The following SLC39A10 variants were observed in gnomAD, a reference collection of about 807,000 sequenced individuals.
The protein encoded by SLC39A10 is solute carrier family 39 member 10.
SLC39A10 carries 13 observed loss-of-function variants against 65.1 expected under a neutral mutation model. The observed-to-expected ratio is 0.20, with a 90% CI of 0.13 to 0.32. The LOEUF is 0.32. SLC39A10 is among the 10% of genes least tolerant of loss of function. The pLI, the probability that SLC39A10 is intolerant of heterozygous loss-of-function variation, is 1.00. For missense variants in SLC39A10, 831 were observed against 1,018.4 expected (o/e 0.82, Z 2.50); for synonymous variants, 321 against 342.2 (o/e 0.94, Z 0.68).
At chr2:195,726,542 T>C (rs1219642476) in intron 8 of SLC39A10, among the ~76,000 whole-genome samples, 1 of 152,060 alleles carries the variant, frequency 6.6e-6, no homozygotes, top group Non-Finnish European at 1.5e-5. Flanking sequence ...AATTAAGGTA[T>C]TTAGGATCAG....
At position 195,735,020 on chromosome 2, in the gene SLC39A10, T is replaced by C. The variant is rs1692545460; in HGVS notation, c.2475T>C (p.Ile825=). Reference sequence around the variant, plus strand: ...TGATTGCCCTCTATGAAGATAAAATTGTGTTTGACATCCAGTTTTGACCTT... The same window carrying C: ...TGATTGCCCTCTATGAAGATAAAATCGTGTTTGACATCCAGTTTTGACCTT... The part of the protein sequence containing the change: ...MLVIALYEDK[I]VFDIQF The change falls in exon 10 of 10, where the codon ATT becomes ATC. Residue 825 remains isoleucine (I), a synonymous_variant. Transcript: ENST00000359634. 1 of 1,610,084 alleles carries C rather than the reference T, an allele frequency of 6.2e-7. No homozygotes were observed. Among genetic ancestry groups the C allele is most frequent in the Non-Finnish European group, 8.5e-7 (1 of 1,178,930 alleles).
chr2:195,655,283 T>C (rs1215704483), upstream of SLC39A10, among the ~76,000 whole-genome samples: 1 of 152,142 alleles, frequency 6.6e-6, no homozygotes, highest in Non-Finnish European at 1.5e-5. Context: ...ATTGAAGTAT[T>C]TCAGTATTTG....
intron 5 of SLC39A10, among the ~76,000 whole-genome samples, chr2:195,712,169 A>G (rs140983728): frequency 6.6e-6 from 1 of 152,326 alleles, no homozygotes; most frequent in East Asian, 1.9e-4. Flanking sequence ...GCTTCTCCAC[A>G]TGGCTTCTCT....
At chr2:195,623,949 A>C (rs1688405408) in intron 2 of SLC39A10, among the ~76,000 whole-genome samples, 2 of 151,470 alleles carry the variant, frequency 1.3e-5, no homozygotes, top group African/African-American at 4.9e-5. Context: ...ACCGTCTTAG[A>C]TATGCAGGTT....
chr2:195,617,629 G>A (rs1213531229), intron 2 of SLC39A10, among the ~76,000 whole-genome samples: 1 of 152,154 alleles, frequency 6.6e-6, no homozygotes, highest in African/African-American at 2.4e-5. Flanking sequence ...CGAGCACTTT[G>A]GGAGGCTGAG....
intron 2 of SLC39A10, among the ~76,000 whole-genome samples, chr2:195,632,290 CTTTTTTTTTTT>C (rs202193660): frequency 2.9e-5 from 2 of 69,224 alleles, no homozygotes; most frequent in African/African-American, 1.3e-4. Flanking sequence ...ATTCTACTTC[CTTTTTTTTTTT>C]TTTTTTTTTT....
chr2:195,664,405 G>GA (rs1256175658), intron 1 of SLC39A10, among the ~76,000 whole-genome samples: 45 of 151,864 alleles, frequency 3.0e-4, no homozygotes, highest in Non-Finnish European at 5.9e-5. Flanking sequence ...AATATGGGGA[G>GA]AAAAAACTTT....
chr2:195,675,102 C>T (rs369217453), intron 1 of SLC39A10, among the ~76,000 whole-genome samples: 2 of 151,536 alleles, frequency 1.3e-5, no homozygotes, highest in East Asian at 3.9e-4. Flanking sequence ...ATCAAAGATA[C>T]GTAAAGAGAG....
chr2:195,656,456 G>C (rs536108271), upstream of SLC39A10, among the ~76,000 whole-genome samples: 1 of 152,188 alleles, frequency 6.6e-6, no homozygotes, highest in Admixed American at 6.5e-5. Context: ...AGAAATAGTC[G>C]ATCAGTTGAG....
chr2:195,701,465 T>C (rs1239929580), intron 3 of SLC39A10, among the ~76,000 whole-genome samples: 2 of 117,092 alleles, frequency 1.7e-5, no homozygotes, highest in East Asian at 5.0e-4. Context: ...TTTTTTAATG[T>C]GCCTTGCTTT....
intron 1 of SLC39A10, among the ~76,000 whole-genome samples, chr2:195,675,427 A>G (rs6434793): frequency 0.28 from 42,102 of 151,924 alleles, 5,996 homozygotes; most frequent in Middle Eastern, 0.42. Context: ...AACATTTACA[A>G]TATTGTAATA....
At chr2:195,689,511 A>G (rs1207596574) in intron 3 of SLC39A10, among the ~76,000 whole-genome samples, 1 of 152,158 alleles carries the variant, frequency 6.6e-6, no homozygotes, top group African/African-American at 2.4e-5. Flanking sequence ...TATATAACAT[A>G]AAATTTGCCA....
intron 6 of SLC39A10, among the ~76,000 whole-genome samples, chr2:195,715,543 A>G (rs1184165919): frequency 2.6e-5 from 4 of 151,708 alleles, no homozygotes; most frequent in Non-Finnish European, 5.9e-5. Context: ...AAAAAAAAAA[A>G]AAAAAGAAAT....
At chr2:195,714,839 A>G (rs1396952618) in intron 6 of SLC39A10, among the ~76,000 whole-genome samples, 4 of 151,776 alleles carry the variant, frequency 2.6e-5, no homozygotes, top group Non-Finnish European at 4.4e-5. Context: ...TGTAAGCTCT[A>G]CCTCCTGGGT....
Position 195,680,114 on chromosome 2 carries a change from T to C in SLC39A10, c.72T>C (p.His24=), listed in dbSNP as rs1352178436. 2.5e-6 allele frequency: 4 copies of C among 1,612,972 alleles called. No individual in the cohort carries two copies. The South Asian group carries it at 4.4e-5, about 18-fold the overall frequency. Residue 24 remains histidine, a synonymous_variant, in exon 2 of 10, where the codon CAT becomes CAC. Coordinates refer to ENST00000359634, the MANE Select transcript of SLC39A10 (RefSeq NM_020342.3). ...CATTTATTTTTCATCATTGCAACCA[T>C]TGCCATGAAGAACATGACCATGGCC... ...LLTFIFHHCN[H]CHEEHDHGPE...
At chr2:195,681,175 A>G (rs1426339957) in intron 2 of SLC39A10, 125 bp downstream of exon 2, 4 of 926,102 alleles carry the variant, frequency 4.3e-6, no homozygotes, top group South Asian at 3.5e-5. Context: ...ATGTTTACCT[A>G]TGAAATATCA....
chr2:195,644,617 G>C (rs1289929820), intron 2 of SLC39A10, among the ~76,000 whole-genome samples: 1 of 151,718 alleles, frequency 6.6e-6, no homozygotes, highest in Non-Finnish European at 1.5e-5. Flanking sequence ...TGGGATTACA[G>C]GCATGAGCCA....
In SLC39A10 at chr2:195,737,665, A is replaced by AT; in HGVS notation, c.*2624_*2625insT. On this transcript the variant is annotated 3_prime_UTR_variant, in exon 10 of 10. Coordinates refer to ENST00000359634, the MANE Select transcript of SLC39A10 (RefSeq NM_020342.3). ...TTATGTATGTTCCTAATGCTTATGG[A>AT]ACTCCTCCAAAATAAAGTTACTCAA... The AT allele has an allele frequency of 2.9e-6, 1 of 350,078 alleles. No individual in the cohort carries two copies. Among genetic ancestry groups the AT allele is most frequent in the South Asian group, 4.0e-5 (1 of 24,912 alleles). 21.7% of individuals were successfully genotyped at this position (350,078 alleles called of 1,614,324 possible). A position where few individuals can be genotyped will look rare whatever the true frequency, so the allele number is the denominator to read the frequency against.
intron 9 of SLC39A10, among the ~76,000 whole-genome samples, chr2:195,734,290 C>T (rs1045145857): frequency 2.0e-5 from 3 of 151,944 alleles, no homozygotes; most frequent in African/African-American, 7.3e-5. Context: ...CCTGCCTCAG[C>T]CTCCCGAGTA....
Sources: allele counts gnomAD v4.1 joint callset (sites outside exome capture counted in the v4.1 genomes callset), GRCh38; gene constraint gnomAD v4.1.1; transcripts MANE v1.5; gene names NCBI Gene and HGNC (gene_info 2026-07-23, HGNC 2026-07-21).